DPH6: variants seen among roughly 807,000 people sequenced by gnomAD.
DPH6 encodes diphthamine biosynthesis 6.
DPH6 carries 33 observed loss-of-function variants against 38.2 expected under a neutral mutation model. The ratio of observed to expected loss-of-function variants is 0.86; its 90% CI spans 0.65 to 1.15. DPH6 has a LOEUF of 1.15. Among genes scored for constraint, DPH6 ranks in the 50% most tolerant of loss-of-function variants. The pLI, the probability that DPH6 is intolerant of heterozygous loss-of-function variation, is 0.00. For missense variants in DPH6, 325 were observed against 320.0 expected (o/e 1.02, Z -0.12); for synonymous variants, 108 against 103.0 (o/e 1.05, Z -0.30).
In DPH6 at chr15:35,455,496, GATC is replaced by G. The variant is rs542641426; in HGVS notation, c.313-679_313-677del. 3.3e-3 allele frequency among the ~76,000 whole-genome samples: 507 copies of G among 152,206 alleles called. 1 individual carries two copies. The highest frequency in any genetic ancestry group is 5.2e-3 in the Non-Finnish European group (356 of 67,996). ...TGGAGGAGAATGTAAATTCAAGTAT[GATC>G]AAGTTTGCAGAGGATACAAAGCTAG... is the stretch of plus-strand genomic sequence containing the variant. On this transcript the variant is annotated intron_variant, in intron 3 of 8. Coordinates refer to ENST00000256538, the MANE Select transcript of DPH6 (RefSeq NM_080650.4).
chr15:35,318,937 T>C (rs1595476435), intron 3 of DPH6, among the ~76,000 whole-genome samples: 2 of 152,192 alleles, frequency 1.3e-5, no homozygotes, highest in African/African-American at 4.8e-5. Flanking sequence ...AATGCATTTT[T>C]ATTTATAAAC....
chr15:35,263,869 G>A (rs1461558479), intron 3 of DPH6, among the ~76,000 whole-genome samples: 2 of 151,802 alleles, frequency 1.3e-5, no homozygotes, highest in African/African-American at 2.4e-5. Flanking sequence ...CCACCACCAC[G>A]CCTGGCTAAT....
chr15:35,409,438 T>C (rs73378744), intron 6 of DPH6, among the ~76,000 whole-genome samples: 1 of 152,114 alleles, frequency 6.6e-6, no homozygotes, highest in African/African-American at 2.4e-5. Flanking sequence ...CATTTTGTGT[T>C]TAAACATCCT....
chr15:35,397,868 T>TATATATACAC (rs752473433), intron 6 of DPH6, among the ~76,000 whole-genome samples: 12 of 87,256 alleles, frequency 1.4e-4, no homozygotes, highest in African/African-American at 3.7e-4. Flanking sequence ...TTTATATATA[T>TATATATACAC]ACACACACAC....
chr15:35,263,965 G>A (rs2051766251), intron 3 of DPH6, among the ~76,000 whole-genome samples: 2 of 151,940 alleles, frequency 1.3e-5, no homozygotes, highest in South Asian at 4.1e-4. Context: ...TGCCCACCTC[G>A]GCCTCACAAA....
At chr15:35,159,042 G>A in the DPH6 span, among the ~76,000 whole-genome samples, 3 of 152,002 alleles carry the variant, frequency 2.0e-5, no homozygotes, top group Non-Finnish European at 4.4e-5. Flanking sequence ...TTATATAGTC[G>A]ATGTATACTT....
intron 3 of DPH6, among the ~76,000 whole-genome samples, chr15:35,462,591 ACTTCT>A (rs2054078946): frequency 6.6e-6 from 1 of 151,906 alleles, no homozygotes; most frequent in South Asian, 2.1e-4. Context: ...TTATTCCCTC[ACTTCT>A]TCCAGGTCTC....
intron 5 of DPH6, among the ~76,000 whole-genome samples, chr15:35,436,933 C>A (rs1226611548): frequency 6.6e-6 from 1 of 151,896 alleles, no homozygotes. Flanking sequence ...GTCCATGCAA[C>A]CCCCGAGACA....
At chr15:35,542,315 C>CT (rs917265898) in intron 2 of DPH6, 98 bp downstream of exon 2, 1,073 of 969,130 alleles carry the variant, frequency 1.1e-3, no homozygotes, top group South Asian at 1.4e-3. Context: ...TTTATTGGTT[C>CT]TTTTTTTTTC....
chr15:35,488,842 TCA>T (rs2054439333), intron 3 of DPH6, among the ~76,000 whole-genome samples: 1 of 149,708 alleles, frequency 6.7e-6, no homozygotes, highest in Non-Finnish European at 1.5e-5. Context: ...ACACTGTAAT[TCA>T]GAGATAAAGA....
At chr15:35,471,401 GAAT>G (rs2054196981) in intron 3 of DPH6, among the ~76,000 whole-genome samples, 1 of 152,050 alleles carries the variant, frequency 6.6e-6, no homozygotes, top group Admixed American at 6.6e-5. Flanking sequence ...GCTCTCCCTA[GAAT>G]AATGTCAATG....
chr15:35,510,470 C>T (rs1489722843), intron 3 of DPH6, among the ~76,000 whole-genome samples: 1 of 152,172 alleles, frequency 6.6e-6, no homozygotes, highest in Non-Finnish European at 1.5e-5. Flanking sequence ...ACAACTCCTG[C>T]ATATGTATCA....
intron 3 of DPH6, among the ~76,000 whole-genome samples, chr15:35,277,581 G>T (rs2051867674): frequency 6.6e-6 from 1 of 152,118 alleles, no homozygotes; most frequent in Non-Finnish European, 1.5e-5. Context: ...AGAGTCTGGA[G>T]GTCTGAGAAG....
chr15:35,396,320 G>C (rs188593031), intron 6 of DPH6: 1 of 152,096 alleles, frequency 6.6e-6, no homozygotes, highest in African/African-American at 2.4e-5. Flanking sequence ...CTCCACGCTG[G>C]CAGAAACTAA....
intron 6 of DPH6, chr15:35,401,790 T>C (rs535407389): frequency 4.8e-5 from 30 of 623,848 alleles, no homozygotes; most frequent in Non-Finnish European, 8.1e-5. Flanking sequence ...AAACAAAGCT[T>C]AACAGGAGAG....
At chr15:35,455,911 T>C (rs1449089264) in intron 3 of DPH6, among the ~76,000 whole-genome samples, 3 of 152,188 alleles carry the variant, frequency 2.0e-5, no homozygotes, top group Non-Finnish European at 4.4e-5. Flanking sequence ...CAAAAGTTAA[T>C]ATTTCAAGTC....
intron 5 of DPH6, among the ~76,000 whole-genome samples, chr15:35,432,573 C>CA (rs1227544877): frequency 1.3e-5 from 2 of 151,870 alleles, no homozygotes; most frequent in African/African-American, 2.4e-5. Context: ...TTATCAACAA[C>CA]AAAAAAATAC....
At chr15:35,237,338 A>G (rs2051560433) in intron 3 of DPH6, 2 of 1,592,254 alleles carry the variant, frequency 1.3e-6, no homozygotes, top group African/African-American at 1.3e-5. Context: ...GAAGATGGGC[A>G]GACGGATTCA....
At chr15:35,200,983 CTT>C in the DPH6 span, among the ~76,000 whole-genome samples, 26 of 123,836 alleles carry the variant, frequency 2.1e-4, no homozygotes, top group African/African-American at 5.5e-4. Flanking sequence ...AATAATTTCC[CTT>C]TTTTTTTTTT....
Sources: allele counts gnomAD v4.1 joint callset (sites outside exome capture counted in the v4.1 genomes callset), GRCh38; gene constraint gnomAD v4.1.1; transcripts MANE v1.5; gene names NCBI Gene and HGNC (gene_info 2026-07-23, HGNC 2026-07-21).